NRXN1: variants seen among roughly 807,000 people sequenced by gnomAD.
The protein encoded by NRXN1 is neurexin 1.
Under a neutral mutation model 150.9 loss-of-function variants are expected in NRXN1, and 39 were observed. The observed-to-expected ratio is 0.26, with a 90% CI of 0.20 to 0.34. NRXN1 has a LOEUF of 0.34. Ranked by LOEUF, NRXN1 falls within the 10% of genes least tolerant of loss-of-function variation. The pLI, the probability that NRXN1 is intolerant of heterozygous loss-of-function variation, is 1.00. For missense variants in NRXN1, 1,815 were observed against 1,949.9 expected, an observed-to-expected ratio of 0.93 and a Z score of 1.30; for synonymous variants, 924 against 757.0, an observed-to-expected ratio of 1.22 and a Z score of -3.62.
intron 18 of NRXN1, among the ~76,000 whole-genome samples, chr2:50,155,944 T>C (rs917684234): frequency 2.0e-5 from 3 of 151,712 alleles, no homozygotes; most frequent in Admixed American, 1.3e-4. Context: ...TAGAAATTTA[T>C]TTGCATATTT....
chr2:50,180,428 C>G (rs1035677507), intron 18 of NRXN1, among the ~76,000 whole-genome samples: 1 of 152,076 alleles, frequency 6.6e-6, no homozygotes, highest in Non-Finnish European at 1.5e-5. Flanking sequence ...CTGTTATAGC[C>G]TGAATGTGTC....
At chr2:49,942,288 G>T (rs571321057) in intron 22 of NRXN1, among the ~76,000 whole-genome samples, 1 of 152,094 alleles carries the variant, frequency 6.6e-6, no homozygotes, top group African/African-American at 2.4e-5. Context: ...GTCCTGTTGC[G>T]AGGTGACTGC....
At chr2:50,745,547 G>T (rs1699922484) in intron 5 of NRXN1, among the ~76,000 whole-genome samples, 1 of 151,966 alleles carries the variant, frequency 6.6e-6, no homozygotes, top group African/African-American at 2.4e-5. Flanking sequence ...ACATAGTGTG[G>T]TATATTAGTT....
At chr2:50,860,854 G>T (rs1458490606) in intron 5 of NRXN1, among the ~76,000 whole-genome samples, 2 of 152,202 alleles carry the variant, frequency 1.3e-5, no homozygotes, top group Non-Finnish European at 2.9e-5. Context: ...TAAGTGAAGA[G>T]TCTTCACATT....
In NRXN1 at chr2:50,836,914, T is replaced by TA. The variant is rs888729914; in HGVS notation, c.832+84954dup. Among the ~76,000 whole-genome samples the TA allele has an allele frequency of 5.1e-3, 760 of 147,778 alleles. 5 individuals are homozygous for TA. Among genetic ancestry groups the TA allele is most frequent in the African/African-American group, 0.016 (643 of 40,480 alleles). ...TAGAAACCAATTGGTTTGTGTAAAT[T>TA]AAAAAAAAAATCAGATAAAACTGAA... On this transcript the variant is annotated intron_variant, in intron 5 of 22. Transcript: ENST00000401669.
At chr2:49,999,558 A>G (rs556802076) in intron 21 of NRXN1, among the ~76,000 whole-genome samples, 31 of 152,314 alleles carry the variant, frequency 2.0e-4, no homozygotes, top group African/African-American at 7.5e-4. Flanking sequence ...ATAATTTCAT[A>G]TTCTTTGTTG....
intron 9 of NRXN1, among the ~76,000 whole-genome samples, chr2:50,546,072 G>A (rs2093486955): frequency 6.6e-6 from 1 of 152,042 alleles, no homozygotes; most frequent in Non-Finnish European, 1.5e-5. Context: ...AAAATGGGGG[G>A]CCGGGCCGAC....
intron 17 of NRXN1, among the ~76,000 whole-genome samples, chr2:50,424,198 A>G (rs1572917657): frequency 1.2e-5 from 1 of 84,356 alleles, no homozygotes; most frequent in South Asian, 6.2e-4. Context: ...GGGGAGGAGG[A>G]GGAGGGAAGA....
In NRXN1 at chr2:50,221,302, G is replaced by C. The variant is rs553556532; in HGVS notation, c.3546+15487C>G. On this transcript the variant is annotated intron_variant, in intron 18 of 22. Coordinates refer to ENST00000401669, the MANE Select transcript of NRXN1 (RefSeq NM_001330078.2). ...ATAGAAATAAAATAAAAACCAGCTT[G>C]TCAAATGGGGCTGCCTGCTGCTCAG... 8.5e-5 allele frequency among the ~76,000 whole-genome samples: 13 copies of C among 152,112 alleles called. 1 individual carries two copies. The South Asian group carries it at 2.7e-3, about 32-fold the overall frequency.
chr2:50,947,167 C>T (rs1367997453), intron 2 of NRXN1, among the ~76,000 whole-genome samples: 1 of 152,026 alleles, frequency 6.6e-6, no homozygotes, highest in Non-Finnish European at 1.5e-5. Context: ...GAAGTTGAAT[C>T]TCCCTTTGGA....
At chr2:50,697,495 T>C (rs538072664) in intron 5 of NRXN1, among the ~76,000 whole-genome samples, 3 of 152,266 alleles carry the variant, frequency 2.0e-5, no homozygotes, top group Admixed American at 6.5e-5. Flanking sequence ...GGAAAATTAA[T>C]GTATTGGTTT....
rs761913538 is a variant in NRXN1, at chr2:50,997,676, TA to T, written c.772+29825del. On this transcript the variant is annotated intron_variant, in intron 2 of 22. Coordinates refer to ENST00000401669, the MANE Select transcript of NRXN1 (RefSeq NM_001330078.2). ...GTGCACACTACCACACCCAGGTAAT[TA>T]AAAAAAAAAATTATCTGGAGACGGT... Among the ~76,000 whole-genome samples the T allele has an allele frequency of 7.6e-3, 1,013 of 134,112 alleles. 210 individuals are homozygous for T. Among genetic ancestry groups the T allele is most frequent in the African/African-American group, 0.028 (869 of 31,232 alleles). 88.0% of individuals were successfully genotyped at this position (134,112 alleles called of 152,430 possible).
At chr2:50,443,005 G>C (rs1183748614) in intron 17 of NRXN1, among the ~76,000 whole-genome samples, 3 of 152,158 alleles carry the variant, frequency 2.0e-5, no homozygotes, top group African/African-American at 7.2e-5. Flanking sequence ...TTTCACGGGA[G>C]CCAGATTGGA....
At chr2:50,252,233 C>CTTTTTTT (rs55993018) in intron 17 of NRXN1, among the ~76,000 whole-genome samples, 20 of 94,910 alleles carry the variant, frequency 2.1e-4, no homozygotes, top group African/African-American at 2.5e-4. Context: ...ACATTTTGTC[C>CTTTTTTT]TTTTTTTTTT....
intron 15 of NRXN1, among the ~76,000 whole-genome samples, chr2:50,493,051 C>G (rs928355605): frequency 2.0e-5 from 3 of 152,344 alleles, no homozygotes; most frequent in African/African-American, 4.8e-5. Flanking sequence ...GGCTGACCTT[C>G]TTTTGAGAAG....
chr2:50,032,606 T>A (rs1195300733), intron 21 of NRXN1, among the ~76,000 whole-genome samples: 1 of 152,028 alleles, frequency 6.6e-6, no homozygotes, highest in Non-Finnish European at 1.5e-5. Flanking sequence ...GGAAAATTCA[T>A]AGGTTGAAAC....
At position 51,027,665 on chromosome 2, in the gene NRXN1, C is replaced by G. The variant is rs759842391; in HGVS notation, c.609G>C (p.Lys203Asn). 3.1e-5 allele frequency: 50 copies of G among 1,602,344 alleles called. No homozygotes were observed. The highest frequency in any genetic ancestry group is 4.1e-5 in the Non-Finnish European group (48 of 1,174,688). Residue 203 changes from lysine (K) to asparagine (N), a missense_variant, in exon 2 of 23, where the codon AAG becomes AAC. Lys to Asn is a moderately conservative substitution (Grantham distance 94). Transcript: ENST00000401669. ...QVLPVDSGEV[K>N]LDDEPPNSGG... ...CGCTGTTGGGCGGCTCATCGTCCAGCTTCACCTCGCCGCTGTCCACGGGCA... is the reference window on the plus strand; with the variant it reads ...CGCTGTTGGGCGGCTCATCGTCCAGGTTCACCTCGCCGCTGTCCACGGGCA...
rs1330399827 is a variant in NRXN1 at position 50,472,043 on chromosome 2, CA to C, written c.3244+254del. 7.9e-5 allele frequency among the ~76,000 whole-genome samples: 9 copies of C among 113,448 alleles called. No homozygotes were observed. The East Asian group carries it at 2.2e-3, about 27-fold the overall frequency. 74.4% of individuals were successfully genotyped at this position (113,448 alleles called of 152,430 possible). ...TCAAAAACAAAAACAAAAACAAAAA[CA>C]AAAGCAAAAACAGGCAAAAAAACCA... On this transcript the variant is annotated intron_variant, in intron 16 of 22. Coordinates refer to ENST00000401669, the MANE Select transcript of NRXN1 (RefSeq NM_001330078.2).
At chr2:50,484,015 T>A (rs1245830807) in intron 15 of NRXN1, among the ~76,000 whole-genome samples, 1 of 152,174 alleles carries the variant, frequency 6.6e-6, no homozygotes, top group Non-Finnish European at 1.5e-5. Context: ...AGGGCAAATA[T>A]AAAAGAACAG....
Sources: gnomAD v4.1 joint callset for allele counts (sites outside exome capture counted in the v4.1 genomes callset) on GRCh38, gnomAD v4.1.1 for gene constraint, MANE v1.5 for transcripts, NCBI Gene and HGNC (gene_info 2026-07-23, HGNC 2026-07-21) for gene names.